TAF1B: variants seen among roughly 807,000 people sequenced by gnomAD.
TAF1B encodes TATA-box binding protein associated factor, RNA polymerase I subunit B, also known as TATA box-binding protein-associated factor RNA polymerase I subunit B.
TAF1B carries 61 observed loss-of-function variants against 83.9 expected under a neutral mutation model. That is an observed-to-expected ratio of 0.73 (90% confidence interval 0.59 to 0.90). TAF1B has a LOEUF of 0.90. Ranked by LOEUF, TAF1B falls within the 40% of genes least tolerant of loss-of-function variation. The probability of loss-of-function intolerance (pLI) is 0.00; values close to 1 mark genes in which losing one functional copy is unlikely to be tolerated. For missense variants in TAF1B, 625 were observed against 677.0 expected, an observed-to-expected ratio of 0.92 and a Z score of 0.85; for synonymous variants, 221 against 224.6, an observed-to-expected ratio of 0.98 and a Z score of 0.14.
chr2:9,933,820 T>C lies in TAF1B; in HGVS notation c.1603T>C (p.Tyr535His). The C allele has an allele frequency of 6.2e-7, 1 of 1,613,662 alleles. No individual in the cohort carries two copies. The highest frequency in any genetic ancestry group is 8.5e-7 in the Non-Finnish European group (1 of 1,179,808). The change falls in exon 15 of 15, where the codon TAT becomes CAT. Residue 535 changes from tyrosine (Y) to histidine (H), a missense_variant. By Grantham distance (83) the Tyr-to-His change is moderately conservative. Coordinates refer to ENST00000263663, the MANE Select transcript of TAF1B (RefSeq NM_005680.3). ...THVTTYEESN[Y>H]SLSYQFILNL... Reference sequence around the variant, plus strand: ...TGTGACAACCTATGAAGAATCAAATTATTCTCTGAGTTATCAGTTTATACT... The same window carrying C: ...TGTGACAACCTATGAAGAATCAAATCATTCTCTGAGTTATCAGTTTATACT...
chr2:9,902,831 A>G (rs1249065864), intron 8 of TAF1B, among the ~76,000 whole-genome samples: 1 of 152,226 alleles, frequency 6.6e-6, no homozygotes, highest in African/African-American at 2.4e-5. Context: ...ATGGATTTTC[A>G]AAATTTTTGT....
intron 9 of TAF1B, 56 bp from the exon 10 acceptor site, chr2:9,910,680 A>T: frequency 2.7e-6 from 4 of 1,490,554 alleles, no homozygotes; most frequent in Non-Finnish European, 3.7e-6. Context: ...ATGGATATAT[A>T]CATTGGGGAT....
At chr2:9,926,460 T>G (rs1239154388) in intron 14 of TAF1B, among the ~76,000 whole-genome samples, 3 of 152,182 alleles carry the variant, frequency 2.0e-5, no homozygotes, top group African/African-American at 7.2e-5. Context: ...TAGTCCAGAT[T>G]TTGTGTATAG....
In TAF1B at chr2:9,895,336, C is replaced by CAA. The variant is rs567185861; in HGVS notation, c.808-9517_808-9516dup. Among the ~76,000 whole-genome samples the CAA allele has an allele frequency of 5.8e-3, 882 of 151,990 alleles. 15 individuals carry two copies. The highest frequency in any genetic ancestry group is 0.017 in the Middle Eastern group (5 of 294). On this transcript the variant is annotated intron_variant, in intron 8 of 14. Transcript: ENST00000263663. ...GCAACATGGTGAAACTCTGGCTCTA[C>CAA]AAAAAAACACAAAAATTAGCCGGGC...
chr2:9,860,161 G>A (rs1189992969), intron 5 of TAF1B, among the ~76,000 whole-genome samples: 1 of 152,154 alleles, frequency 6.6e-6, no homozygotes, highest in South Asian at 2.1e-4. Flanking sequence ...CTCCCACTAG[G>A]TCCCTCCCTC....
intron 11 of TAF1B, among the ~76,000 whole-genome samples, chr2:9,911,874 T>G (rs1665544001): frequency 6.6e-6 from 1 of 152,218 alleles, no homozygotes; most frequent in Admixed American, 6.5e-5. Context: ...GCTTTCAGCC[T>G]TTGCTCTTGT....
chr2:9,859,222 T>C (rs1663667948), intron 5 of TAF1B, among the ~76,000 whole-genome samples: 1 of 152,164 alleles, frequency 6.6e-6, no homozygotes, highest in African/African-American at 2.4e-5. Flanking sequence ...TGAATCATCT[T>C]TCTCAGCTTC....
At position 9,884,508 on chromosome 2, in the gene TAF1B, G is replaced by A. The variant is rs114521346; in HGVS notation, c.807+1703G>A. On this transcript the variant is annotated intron_variant, in intron 8 of 14. Transcript: ENST00000263663. ...GAGATGAAGAGGAGCTTTATTGAGC[G>A]ACAGAACAGCTCAGTCTCCCACAGC... 3.9e-3 allele frequency among the ~76,000 whole-genome samples: 600 copies of A among 152,336 alleles called. 3 individuals carry two copies. The highest frequency in any genetic ancestry group is 0.013 in the African/African-American group (553 of 41,580).
chr2:9,845,765 C>T (rs149319646), intron 2 of TAF1B: 14,041 of 250,508 alleles, frequency 0.056, 472 homozygotes, highest in African/African-American at 0.074. Context: ...GGTGGATCAC[C>T]TGAGGTCGGG....
At chr2:9,872,860 T>G (rs10495575) in intron 6 of TAF1B, among the ~76,000 whole-genome samples, 37,779 of 152,132 alleles carry the variant, frequency 0.25, 5,117 homozygotes, top group East Asian at 0.31. Flanking sequence ...TTGTTAAACC[T>G]TAGTAATTTG....
chr2:9,851,959 A>G (rs757306229), intron 4 of TAF1B: 1 of 503,694 alleles, frequency 2.0e-6, no homozygotes, highest in Non-Finnish European at 4.0e-6. Context: ...GTGCTTGTTT[A>G]ATTTCCAGGG....
At chr2:9,862,354 GATGAA>G (rs1663800845) in intron 5 of TAF1B, among the ~76,000 whole-genome samples, 1 of 152,138 alleles carries the variant, frequency 6.6e-6, no homozygotes, top group South Asian at 2.1e-4. Flanking sequence ...CATGATGGAA[GATGAA>G]ATGAATGAAA....
intron 5 of TAF1B, among the ~76,000 whole-genome samples, chr2:9,864,131 A>T (rs984080956): frequency 1.3e-5 from 2 of 152,134 alleles, no homozygotes; most frequent in Non-Finnish European, 2.9e-5. Context: ...GACACAAAAA[A>T]CCCTTCGAAA....
intron 8 of TAF1B, among the ~76,000 whole-genome samples, chr2:9,888,806 T>G (rs1185570489): frequency 6.9e-6 from 1 of 144,808 alleles, no homozygotes; most frequent in East Asian, 2.0e-4. Flanking sequence ...TTTTTTTTTT[T>G]TTTTTTTTTT....
chr2:9,885,022 G>T (rs940847080), intron 8 of TAF1B, among the ~76,000 whole-genome samples: 2 of 152,180 alleles, frequency 1.3e-5, no homozygotes, highest in Non-Finnish European at 2.9e-5. Flanking sequence ...CTGGCTCAGC[G>T]CTCCAAAATT....
At chr2:9,904,746 A>G (rs565683) in intron 8 of TAF1B, 113 bp from the exon 9 acceptor site, 636,051 of 1,028,906 alleles carry the variant, frequency 0.62, 205,063 homozygotes, top group Non-Finnish European at 0.68. Flanking sequence ...CAACTTCACC[A>G]GCATCTGTTA....
Position 9,919,100 on chromosome 2 carries a change from A to C in TAF1B, c.1331A>C (p.Tyr444Ser). The change falls in exon 13 of 15, where the codon TAT becomes TCT. Residue 444 changes from tyrosine to serine, a missense_variant. Physicochemically the swap from Tyr to Ser is moderately radical, Grantham distance 144 (BLOSUM62 -2). Transcript: ENST00000263663. Reference protein sequence around the residue: ...YYSFVDKPVAYKKREMVVNLQ... With the variant: ...YYSFVDKPVASKKREMVVNLQ... The stretch of plus-strand genomic sequence containing the variant: ...TCATTTGTCGACAAACCAGTAGCAT[A>C]TAAAAAAAGAGGTAAGTCAAATTTT... 6.2e-7 allele frequency: 1 copy of C among 1,614,116 alleles called. No homozygotes were observed. Among genetic ancestry groups the C allele is most frequent in the Non-Finnish European group, 8.5e-7 (1 of 1,180,020 alleles).
In TAF1B at chr2:9,914,766, CCTT is replaced by C. The variant is rs1252743669; in HGVS notation, c.1271+1522_1271+1524del. Among the ~76,000 whole-genome samples the C allele has an allele frequency of 6.6e-6, 1 of 152,126 alleles. No individual in the cohort carries two copies. The highest frequency in any genetic ancestry group is 2.4e-5 in the African/African-American group (1 of 41,404). On this transcript the variant is annotated intron_variant, in intron 12 of 14. Coordinates refer to ENST00000263663, the MANE Select transcript of TAF1B (RefSeq NM_005680.3). The surrounding 1 kb of genome is among the most constrained non-coding windows in gnomAD (Gnocchi z 4.3). ...TGTCGAGGGGACCCGTTTCCAAGGT[CCTT>C]CTTCCTAGAGTATGTGCTGAGGGCT...
chr2:9,892,592 G>A (rs1030727326), intron 8 of TAF1B, among the ~76,000 whole-genome samples: 2 of 152,112 alleles, frequency 1.3e-5, no homozygotes, highest in Admixed American at 1.3e-4. Context: ...TTCACCCATG[G>A]TGTCGCAAAT....
Sources: allele counts gnomAD v4.1 joint callset (sites outside exome capture counted in the v4.1 genomes callset), GRCh38; gene constraint gnomAD v4.1.1; non-coding constraint Gnocchi (gnomAD v3.1); transcripts MANE v1.5; gene names NCBI Gene and HGNC (gene_info 2026-07-23, HGNC 2026-07-21).